PCDHGA3: variants seen among roughly 807,000 people sequenced by gnomAD.
PCDHGA3 encodes protocadherin gamma-A3.
Under a neutral mutation model 58.5 loss-of-function variants are expected in PCDHGA3, and 40 were observed. That is an observed-to-expected ratio of 0.68 (90% CI 0.53 to 0.89). The LOEUF (loss-of-function observed/expected upper bound fraction) is 0.89, where lower values mean the gene tolerates loss of function less well. Ranked by LOEUF, PCDHGA3 falls within the 40% of genes least tolerant of loss-of-function variation. The pLI is 0.00. For missense variants in PCDHGA3, 1,223 were observed against 1,195.9 expected (o/e 1.02, Z -0.33); for synonymous variants, 530 against 525.7 (o/e 1.01, Z -0.11).
intron 1 of PCDHGA3, chr5:141,377,299 G>A (rs1270863261): frequency 6.6e-6 from 1 of 152,100 alleles, no homozygotes; most frequent in African/African-American, 2.4e-5. Flanking sequence ...ATTTAGGTCA[G>A]TGTTAAAGAT....
chr5:141,360,594 A>T (rs1375239245), intron 1 of PCDHGA3: 2 of 1,614,032 alleles, frequency 1.2e-6, no homozygotes, highest in Admixed American at 3.3e-5. Flanking sequence ...CAACATTTCC[A>T]CTTGACCCAG....
intron 1 of PCDHGA3, chr5:141,370,476 G>A: frequency 6.2e-7 from 1 of 1,613,686 alleles, no homozygotes; most frequent in Non-Finnish European, 8.5e-7. Flanking sequence ...GTTAGACCAG[G>A]CTCTCTCCGA....
At chr5:141,404,248 G>A in intron 1 of PCDHGA3, 2 of 1,613,812 alleles carry the variant, frequency 1.2e-6, no homozygotes, top group African/African-American at 2.7e-5. Flanking sequence ...CTCCGCCCCT[G>A]TCCACAGAAA....
At chr5:141,348,480 G>C (rs1383228758) in intron 1 of PCDHGA3, among the ~76,000 whole-genome samples, 2 of 152,076 alleles carry the variant, frequency 1.3e-5, no homozygotes, top group Non-Finnish European at 2.9e-5. Context: ...CACTTTCCCT[G>C]TAAGGAGAAA....
chr5:141,472,071 A>T (rs1243864250), intron 1 of PCDHGA3, among the ~76,000 whole-genome samples: 5 of 152,200 alleles, frequency 3.3e-5, no homozygotes, highest in South Asian at 2.1e-4. Context: ...GTCTGTGGTT[A>T]TATCAATGAG....
intron 1 of PCDHGA3, chr5:141,351,029 T>C: frequency 6.2e-7 from 1 of 1,614,044 alleles, no homozygotes; most frequent in Non-Finnish European, 8.5e-7. Context: ...GTGGGGAACC[T>C]CCGTGCTGCG....
chr5:141,361,116 A>G, intron 1 of PCDHGA3: 1 of 1,614,026 alleles, frequency 6.2e-7, no homozygotes, highest in Non-Finnish European at 8.5e-7. Context: ...CTGGAGATCT[A>G]GCAGCCCACT....
chr5:141,504,180 A>G (rs1195970606), intron 2 of PCDHGA3, among the ~76,000 whole-genome samples: 1 of 152,236 alleles, frequency 6.6e-6, no homozygotes, highest in Non-Finnish European at 1.5e-5. Context: ...ATTCAAAAAA[A>G]TCATGAAAAT....
intron 1 of PCDHGA3, chr5:141,370,410 G>T (rs1294033268): frequency 6.4e-7 from 1 of 1,565,276 alleles, no homozygotes; most frequent in Non-Finnish European, 8.6e-7. Context: ...AAATAGCTCC[G>T]GATGGAGGGG....
chr5:141,454,865 TG>T (rs2098805228), intron 1 of PCDHGA3, among the ~76,000 whole-genome samples: 1 of 135,344 alleles, frequency 7.4e-6, no homozygotes, highest in Non-Finnish European at 1.5e-5. Flanking sequence ...TGGAGTGCAG[TG>T]GCACGATCTT....
chr5:141,371,333 T>C, intron 1 of PCDHGA3: 2 of 1,613,850 alleles, frequency 1.2e-6, no homozygotes, highest in Non-Finnish European at 1.7e-6. Context: ...AAGAGAGAGA[T>C]AGCTACACAA....
chr5:141,362,291 C>A, intron 1 of PCDHGA3: 1 of 1,614,076 alleles, frequency 6.2e-7, no homozygotes, highest in Non-Finnish European at 8.5e-7. Flanking sequence ...CGACTCTCTT[C>A]CAGGTCAGAT....
intron 1 of PCDHGA3, chr5:141,351,674 G>A (rs781547082): frequency 1.9e-6 from 3 of 1,613,970 alleles, no homozygotes; most frequent in East Asian, 2.2e-5. Flanking sequence ...ACAAGTAAGC[G>A]CCTCCGACCC....
intron 1 of PCDHGA3, chr5:141,351,193 T>C (rs1003354716): frequency 1.2e-6 from 2 of 1,614,034 alleles, no homozygotes; most frequent in South Asian, 1.1e-5. Flanking sequence ...CAAGTAGATA[T>C]GTGTTGAGTG....
chr5:141,374,455 G>T, intron 1 of PCDHGA3: 2 of 1,613,610 alleles, frequency 1.2e-6, no homozygotes, highest in Non-Finnish European at 1.7e-6. Context: ...TGGAAATAGT[G>T]GACATTAATG....
chr5:141,472,980 C>CAAAAAAAAAAAAAAAAAAAAA (rs60579131), intron 1 of PCDHGA3, among the ~76,000 whole-genome samples: 3 of 86,094 alleles, frequency 3.5e-5, no homozygotes, highest in Non-Finnish European at 5.0e-5. Context: ...GAGTGAAACT[C>CAAAAAAAAAAAAAAAAAAAAA]AAAAAAAAAA....
chr5:141,403,613 C>T lies in PCDHGA3; in HGVS notation c.2424+57156C>T, dbSNP rs769394271. On this transcript the variant is annotated intron_variant, in intron 1 of 3. Transcript: ENST00000253812. ...CACGGCCTCGGATGGCGGCGAGCCG[C>T]GTCGCTCCAGCACAGTGCGCATCCA... The T allele has an allele frequency of 3.5e-5, 56 of 1,613,778 alleles. No homozygotes were observed. Among genetic ancestry groups the T allele is most frequent in the Non-Finnish European group, 4.7e-5 (55 of 1,179,908 alleles).
chr5:141,376,654 C>A, intron 1 of PCDHGA3: 1 of 932,252 alleles, frequency 1.1e-6, no homozygotes, highest in Non-Finnish European at 1.6e-6. Context: ...GTGGAAGACT[C>A]CCTTGTTCAG....
intron 1 of PCDHGA3, chr5:141,415,362 G>A (rs769596449): frequency 4.3e-6 from 7 of 1,614,126 alleles, no homozygotes; most frequent in African/African-American, 1.3e-5. Context: ...CACGCCTGCT[G>A]CAGGCTTCAG....
Sources: allele counts gnomAD v4.1 joint callset (sites outside exome capture counted in the v4.1 genomes callset), GRCh38; gene constraint gnomAD v4.1.1; transcripts MANE v1.5; gene names NCBI Gene and HGNC (gene_info 2026-07-23, HGNC 2026-07-21).